The following NPAS2 variants were observed in gnomAD, a reference collection of about 807,000 sequenced individuals.
NPAS2 encodes neuronal PAS domain-containing protein 2.
NPAS2 carries 23 observed loss-of-function variants against 107.5 expected under a neutral mutation model. The ratio of observed to expected loss-of-function variants is 0.21; its 90% CI spans 0.15 to 0.30. The LOEUF is 0.30. Ranked by LOEUF, NPAS2 falls within the 10% of genes least tolerant of loss-of-function variation. The pLI is 1.00. For synonymous variants in NPAS2, 403 were observed against 417.5 expected, an observed-to-expected ratio of 0.97 and a Z score of 0.42; for missense variants, 756 against 1,043.3, an observed-to-expected ratio of 0.72 and a Z score of 3.79.
intron 1 of NPAS2, among the ~76,000 whole-genome samples, chr2:100,874,034 G>A (rs1679796237): frequency 6.7e-6 from 1 of 149,614 alleles, no homozygotes; most frequent in South Asian, 2.2e-4. Context: ...AGGCTGGAGT[G>A]CAGTGGCGTG....
intron 2 of NPAS2, 73 bp from the exon 3 acceptor site, chr2:100,925,069 TAGAA>T: frequency 6.8e-7 from 1 of 1,469,194 alleles, no homozygotes; most frequent in Non-Finnish European, 9.2e-7. Flanking sequence ...TGTGCTCTAA[TAGAA>T]AGTGCTTTTG....
chr2:100,968,453 G>A lies in NPAS2; in HGVS notation c.1055+25G>A. 6.2e-7 allele frequency: 1 copy of A among 1,606,834 alleles called. No individual in the cohort carries two copies. ...GGTACCGCGCACGGGCAGGGGTGCG[G>A]CTGCGTCCTTGTCGCACCTGGGGGA... On this transcript the variant is annotated intron_variant, in intron 11 of 20. Transcript: ENST00000335681. The surrounding 1 kb of genome is among the most constrained non-coding windows in gnomAD (Gnocchi z 5.3).
chr2:100,911,927 C>T (rs1030448557), intron 2 of NPAS2, among the ~76,000 whole-genome samples: 11 of 152,156 alleles, frequency 7.2e-5, no homozygotes, highest in African/African-American at 2.4e-4. Flanking sequence ...CAATGGCGCC[C>T]GGCTTCCAGT....
chr2:100,905,771 C>T (rs1682110454), intron 2 of NPAS2, among the ~76,000 whole-genome samples: 1 of 152,206 alleles, frequency 6.6e-6, no homozygotes, highest in Non-Finnish European at 1.5e-5. Flanking sequence ...GGTTTGCCCA[C>T]TTCCCTTCAC....
chr2:100,893,274 G>T (rs755097852), intron 1 of NPAS2, among the ~76,000 whole-genome samples: 1 of 152,190 alleles, frequency 6.6e-6, no homozygotes, highest in Non-Finnish European at 1.5e-5. Flanking sequence ...CCTCACCAGG[G>T]ACTGGCTGGG....
chr2:100,840,489 A>T (rs907216613), intron 1 of NPAS2, among the ~76,000 whole-genome samples: 8 of 152,078 alleles, frequency 5.3e-5, no homozygotes, highest in Admixed American at 5.2e-4. Context: ...GGTCCTTGAG[A>T]CGCACCATTT....
At chr2:100,912,367 T>C (rs1682615341) in intron 2 of NPAS2, among the ~76,000 whole-genome samples, 1 of 152,152 alleles carries the variant, frequency 6.6e-6, no homozygotes, top group Admixed American at 6.6e-5. Context: ...CCAGGTAAGA[T>C]ATGCCAGAAT....
rs187595643 is a variant in NPAS2 at position 100,837,954 on chromosome 2, C to G, written c.-23+17540C>G. 2.0e-5 allele frequency among the ~76,000 whole-genome samples: 3 copies of G among 152,222 alleles called. No individual in the cohort carries two copies. In the East Asian group the frequency reaches 5.8e-4, roughly 30 times the overall value. ...ACAGAAGGGGAAACTGAGGCTGAGG[C>G]TCATCAGTGGCAGAACCCAGGGTGG... is the stretch of plus-strand genomic sequence containing the variant. On this transcript the variant is annotated intron_variant, in intron 1 of 20. Coordinates refer to ENST00000335681, the MANE Select transcript of NPAS2 (RefSeq NM_002518.4).
intron 1 of NPAS2, among the ~76,000 whole-genome samples, chr2:100,870,521 G>A (rs1277740300): frequency 1.3e-5 from 2 of 151,928 alleles, no homozygotes; most frequent in Non-Finnish European, 2.9e-5. Flanking sequence ...TCCACCTCCC[G>A]AGTAGCTGGG....
chr2:100,835,854 C>A (rs1361112660), intron 1 of NPAS2, among the ~76,000 whole-genome samples: 4 of 152,162 alleles, frequency 2.6e-5, no homozygotes, highest in Non-Finnish European at 5.9e-5. Flanking sequence ...CAAAACATAT[C>A]CTCCTGCCCC....
In NPAS2 at chr2:100,865,120, G is replaced by C. The variant is rs139665398; in HGVS notation, c.-22-39613G>C. Among the ~76,000 whole-genome samples, 225 of 152,302 alleles carry C rather than the reference G, an allele frequency of 1.5e-3. 1 individual carries two copies. The highest frequency in any genetic ancestry group is 5.2e-3 in the African/African-American group (218 of 41,572). ...ATGTCTTGGCTTTATTATGAAAATA[G>C]TTTAGACTTTATGGATCCCCTTAAA... On this transcript the variant is annotated intron_variant, in intron 1 of 20. Coordinates refer to ENST00000335681, the MANE Select transcript of NPAS2 (RefSeq NM_002518.4).
At chr2:100,948,509 T>A (rs1223665416) in intron 6 of NPAS2, among the ~76,000 whole-genome samples, 154 bp downstream of exon 6, 3 of 152,198 alleles carry the variant, frequency 2.0e-5, no homozygotes, top group African/African-American at 7.2e-5. Flanking sequence ...ATATTTTAGG[T>A]TTAAAGCTAA....
rs1213713840 is a variant in NPAS2, at chr2:100,887,276, G to T, written c.-22-17457G>T. Among the ~76,000 whole-genome samples the T allele has an allele frequency of 3.3e-5, 5 of 152,194 alleles. No homozygotes were observed. The East Asian group carries it at 9.6e-4, about 29-fold the overall frequency. On this transcript the variant is annotated intron_variant, in intron 1 of 20. Coordinates refer to ENST00000335681, the MANE Select transcript of NPAS2 (RefSeq NM_002518.4). ...GCGTTCCAGCTTCTGAGCCAGAGAG[G>T]CCAGAAGTGGAAGCCTTTCTGTCGG...
At chr2:100,885,655 A>G (rs901052171) in intron 1 of NPAS2, among the ~76,000 whole-genome samples, 1 of 152,210 alleles carries the variant, frequency 6.6e-6, no homozygotes, top group Non-Finnish European at 1.5e-5. Flanking sequence ...GCTTTGAATC[A>G]TAGGTAGGAC....
chr2:100,847,660 A>G (rs1218850066), intron 1 of NPAS2, among the ~76,000 whole-genome samples: 2 of 152,202 alleles, frequency 1.3e-5, no homozygotes, highest in Non-Finnish European at 2.9e-5. Context: ...GTGAGCCACC[A>G]TGCCTGGCCA....
intron 5 of NPAS2, among the ~76,000 whole-genome samples, chr2:100,943,913 T>C (rs1034105831): frequency 2.6e-5 from 4 of 152,208 alleles, no homozygotes; most frequent in African/African-American, 9.7e-5. Flanking sequence ...CACAGACGTA[T>C]GTGTTGCAAA....
At chr2:100,912,954 G>A (rs998629568) in intron 2 of NPAS2, among the ~76,000 whole-genome samples, 14 of 152,174 alleles carry the variant, frequency 9.2e-5, no homozygotes, top group Admixed American at 2.6e-4. Context: ...ACTGAGGAAC[G>A]TGTGGTTGGG....
intron 2 of NPAS2, among the ~76,000 whole-genome samples, chr2:100,913,517 C>T (rs1176468836): frequency 2.6e-5 from 4 of 152,098 alleles, no homozygotes; most frequent in African/African-American, 7.2e-5. Context: ...GCCTGATAGA[C>T]GTTATGGATA....
At chr2:100,949,267 A>G in intron 6 of NPAS2, 100 bp from the exon 7 acceptor site, 1 of 744,190 alleles carries the variant, frequency 1.3e-6, no homozygotes, top group Non-Finnish European at 2.4e-6. Context: ...GGCCATGTGT[A>G]GACTAAATCC....
Sources: gnomAD v4.1 joint callset for allele counts (sites outside exome capture counted in the v4.1 genomes callset) on GRCh38, gnomAD v4.1.1 for gene constraint, Gnocchi (gnomAD v3.1) non-coding constraint, MANE v1.5 for transcripts, NCBI Gene and HGNC (gene_info 2026-07-23, HGNC 2026-07-21) for gene names.